Variants in ABCC8 observed in about 807,000 individuals in gnomAD.
ABCC8 encodes the protein ATP binding cassette subfamily C member 8.
A neutral mutation model predicts 188.0 loss-of-function variants in ABCC8; 137 were observed. The observed-to-expected ratio is 0.73, with a 90% CI of 0.63 to 0.84. The LOEUF (loss-of-function observed/expected upper bound fraction) is 0.84, where lower values mean the gene tolerates loss of function less well. Ranked by LOEUF, ABCC8 falls within the 40% of genes least tolerant of loss-of-function variation. The probability of loss-of-function intolerance (pLI) is 0.00; values close to 1 mark genes in which losing one functional copy is unlikely to be tolerated. For missense variants in ABCC8, 1,750 were observed against 2,072.7 expected, an observed-to-expected ratio of 0.84 and a Z score of 3.02; for synonymous variants, 797 against 846.5, an observed-to-expected ratio of 0.94 and a Z score of 1.01.
Position 17,410,572 on chromosome 11 carries a change from T to C in ABCC8, c.2638A>G (p.Lys880Glu). 6.2e-7 allele frequency: 1 copy of C among 1,614,108 alleles called. No homozygotes were observed. The change falls in exon 22 of 39, where the codon AAG (lysine) becomes GAG (glutamate). Residue 880 changes from lysine (K) to glutamate (E), a missense_variant. Lys to Glu is a moderately conservative substitution (Grantham distance 56). Transcript: ENST00000389817. The stretch of plus-strand genomic sequence containing the variant: ...TGGGTCACTAAGACCACTGTCCTCT[T>C]GTCGTCCCGGAGCAGCTCAAGGATG... ...AGILELLRDD[K>E]RTVVLVTHKL...
intron 7 of ABCC8, among the ~76,000 whole-genome samples, chr11:17,449,253 C>T (rs73425073): frequency 0.013 from 1,974 of 152,270 alleles, 42 homozygotes; most frequent in African/African-American, 0.045. Context: ...AGCAGATCTT[C>T]ATGTCCACTT....
At position 17,396,813 on chromosome 11, in the gene ABCC8, C is replaced by T. The variant is rs1216067329; in HGVS notation, c.4119+103G>A. On this transcript the variant is annotated intron_variant, in intron 33 of 38. Coordinates refer to ENST00000389817, the MANE Select transcript of ABCC8 (RefSeq NM_000352.6). ...ATGTCTGAATAGTGAGAGGCCTCGG[C>T]CCTGGAGGGCCACGAGGTGACTGCG... 3.4e-6 allele frequency: 5 copies of T among 1,458,052 alleles called. No homozygotes were observed. The African/African-American group carries it at 5.6e-5, about 16-fold the overall frequency. The allele number at this position is 1,458,052 out of a possible 1,614,324, so 90.3% of individuals were successfully genotyped here.
chr11:17,428,111 G>T (rs1246543218), intron 14 of ABCC8, 169 bp from the exon 15 acceptor site: 1 of 1,569,070 alleles, frequency 6.4e-7, no homozygotes, highest in African/African-American at 1.3e-5. Flanking sequence ...GCTGACCCTT[G>T]CCTAAGGCTG....
chr11:17,467,539 C>T (rs1463701008), intron 3 of ABCC8, among the ~76,000 whole-genome samples: 1 of 152,242 alleles, frequency 6.6e-6, no homozygotes, highest in African/African-American at 2.4e-5. Flanking sequence ...GCACTCTTTC[C>T]TCCCTTCTCC....
intron 16 of ABCC8, among the ~76,000 whole-genome samples, chr11:17,423,560 G>T (rs1444571647): frequency 6.6e-6 from 1 of 152,102 alleles, no homozygotes. Flanking sequence ...ACTTCACTAT[G>T]CTTGAAAGGG....
rs750430789 is a variant in ABCC8 at position 17,406,633 on chromosome 11, T to C, written c.3318A>G (p.Leu1106=). The change falls in exon 26 of 39, where the codon CTA becomes CTG. Residue 1106 remains leucine (L), a synonymous_variant. Coordinates refer to ENST00000389817, the MANE Select transcript of ABCC8 (RefSeq NM_000352.6). ...LHRSLLNRII[L]APMRFFETTP... ...GGGGAGACGGGTACCTCATGGGGGC[T>C]AGGATGATCCGGTTTAGCAGGCTGC... is the stretch of plus-strand genomic sequence containing the variant. The C allele has an allele frequency of 2.5e-6, 4 of 1,613,990 alleles. No homozygotes were observed. Among genetic ancestry groups the C allele is most frequent in the Admixed American group, 1.7e-5 (1 of 60,016 alleles).
At chr11:17,432,359 G>T in intron 10 of ABCC8, 115 bp from the exon 11 acceptor site, 1 of 1,541,192 alleles carries the variant, frequency 6.5e-7, no homozygotes, top group Non-Finnish European at 8.8e-7. Context: ...GTGGGGCACA[G>T]CTCCAGTAGG....
In ABCC8 at chr11:17,442,778, C is replaced by T. The variant is rs61748766; in HGVS notation, c.1572G>A (p.Thr524=). 2,862 of 1,613,990 alleles carry T rather than the reference C, an allele frequency of 1.8e-3. 36 individuals are homozygous for T. The African/African-American group carries it at 0.03, about 17-fold the overall frequency. ...WENIFRTRVE[T]TRRKEMTSLR... ...GGCTGGTCATCTCCTTCCTGCGGGT[C>T]GTCTCCACCCGCGTGCGGAAGATGT... Residue 524 remains threonine, a synonymous_variant, in exon 10 of 39, where the codon ACG becomes ACA. Transcript: ENST00000389817.
intron 29 of ABCC8, among the ~76,000 whole-genome samples, chr11:17,400,615 G>C (rs527815480): frequency 1.2e-4 from 19 of 152,300 alleles, no homozygotes; most frequent in South Asian, 2.1e-4. Context: ...GCCCGCCACT[G>C]AGCCCAGTGC....
At chr11:17,471,032 C>T (rs1848449658) in intron 2 of ABCC8, among the ~76,000 whole-genome samples, 4 of 152,222 alleles carry the variant, frequency 2.6e-5, no homozygotes, top group Admixed American at 2.0e-4. Flanking sequence ...ATGTGGCCTC[C>T]AGCCACTTTA....
rs1956384390 is a variant in ABCC8, at chr11:17,443,063, C to T, written c.1467+115G>A. Reference sequence around the variant, plus strand: ...GCTGAGGCCTGGACAGGTGAAGTGGCCTACTCAAAGTCAAAGTCAAAGTCA... The same window carrying T: ...GCTGAGGCCTGGACAGGTGAAGTGGTCTACTCAAAGTCAAAGTCAAAGTCA... On this transcript the variant is annotated intron_variant, in intron 9 of 38. Coordinates refer to ENST00000389817, the MANE Select transcript of ABCC8 (RefSeq NM_000352.6). The T allele has an allele frequency of 2.7e-6, 4 of 1,504,590 alleles. 1 individual carries two copies. The highest frequency in any genetic ancestry group is 2.3e-5 in the South Asian group (2 of 86,782). 93.2% of individuals were successfully genotyped at this position (1,504,590 alleles called of 1,614,324 possible).
chr11:17,473,034 C>T (rs1354037080), intron 2 of ABCC8, among the ~76,000 whole-genome samples: 1 of 152,190 alleles, frequency 6.6e-6, no homozygotes, highest in African/African-American at 2.4e-5. Flanking sequence ...TACTTTCTCA[C>T]ACATTTTTAA....
rs1017951292 is a variant in ABCC8 at position 17,475,171 on chromosome 11, A to G, written c.149-144T>C. ...AGGATCCCCAAGGCTGGTACACACA[A>G]ACTAAACGTCCAACTCATTCAGCCT... On this transcript the variant is annotated intron_variant, in intron 1 of 38. Coordinates refer to ENST00000389817, the MANE Select transcript of ABCC8 (RefSeq NM_000352.6). 9 of 1,267,784 alleles carry G rather than the reference A, an allele frequency of 7.1e-6. No homozygotes were observed. In the African/African-American group the frequency reaches 1.2e-4, roughly 17 times the overall value. 78.5% of individuals were successfully genotyped at this position (1,267,784 alleles called of 1,614,324 possible).
chr11:17,425,278 G>C (rs900029866), intron 16 of ABCC8, among the ~76,000 whole-genome samples: 1 of 152,134 alleles, frequency 6.6e-6, no homozygotes, highest in Non-Finnish European at 1.5e-5. Context: ...GCTAGCCCAC[G>C]ACCCCACTGA....
chr11:17,415,173 C>A, intron 18 of ABCC8, 131 bp downstream of exon 18: 1 of 1,296,892 alleles, frequency 7.7e-7, no homozygotes. Context: ...AGCACAGGGG[C>A]CCTCCCTGGC....
At chr11:17,410,458 T>C in intron 22 of ABCC8, 58 bp downstream of exon 22, 1 of 1,582,432 alleles carries the variant, frequency 6.3e-7, no homozygotes, top group African/African-American at 1.3e-5. Flanking sequence ...CCTGCCAAGA[T>C]GCCTGACAGC....
intron 11 of ABCC8, 178 bp from the exon 12 acceptor site, chr11:17,431,137 A>G (rs1238070030): frequency 5.7e-6 from 6 of 1,056,786 alleles, no homozygotes; most frequent in South Asian, 1.6e-5. Flanking sequence ...AACGTCCCCA[A>G]CAAGTTCAGG....
chr11:17,438,685 G>T (rs1360642315), intron 10 of ABCC8, among the ~76,000 whole-genome samples: 1 of 152,194 alleles, frequency 6.6e-6, no homozygotes, highest in African/African-American at 2.4e-5. Context: ...CACAGTCCTT[G>T]TCTCCAGCTT....
rs929753779 is a variant in ABCC8, at chr11:17,424,531, G to A, written c.2222+2518C>T. Reference sequence around the variant, plus strand: ...TGCCTGCTTCATCTACATAGGACAAGGAGAGCTCCTGAGGCAGGCACGATG... The same window carrying A: ...TGCCTGCTTCATCTACATAGGACAAAGAGAGCTCCTGAGGCAGGCACGATG... On this transcript the variant is annotated intron_variant, in intron 16 of 38. Transcript: ENST00000389817. Among the ~76,000 whole-genome samples the A allele has an allele frequency of 6.6e-5, 10 of 152,190 alleles. No homozygotes were observed. The South Asian group carries it at 1.7e-3, about 25-fold the overall frequency.
Sources: allele counts gnomAD v4.1 joint callset (sites outside exome capture counted in the v4.1 genomes callset), GRCh38; gene constraint gnomAD v4.1.1; transcripts MANE v1.5; gene names NCBI Gene and HGNC (gene_info 2026-07-23, HGNC 2026-07-21).